Variants in CFAP61 observed in about 807,000 individuals in gnomAD.
CFAP61 encodes the protein cilia- and flagella-associated protein 61.
Under a neutral mutation model 135.6 loss-of-function variants are expected in CFAP61, and 107 were observed. That is an observed-to-expected ratio of 0.79 (90% CI 0.67 to 0.93). The LOEUF is 0.93. CFAP61 is among the 40% of genes least tolerant of loss of function. The probability of loss-of-function intolerance (pLI) is 0.00; values close to 1 mark genes in which losing one functional copy is unlikely to be tolerated. For missense variants in CFAP61, 1,507 were observed against 1,556.2 expected, an observed-to-expected ratio of 0.97 and a Z score of 0.53; for synonymous variants, 575 against 578.5, an observed-to-expected ratio of 0.99 and a Z score of 0.09.
intron 25 of CFAP61, among the ~76,000 whole-genome samples, chr20:20,328,573 G>C (rs752071410): frequency 1.3e-5 from 2 of 151,770 alleles, no homozygotes; most frequent in Non-Finnish European, 2.9e-5. Flanking sequence ...GCACAACAAA[G>C]GAAACAATTT....
chr20:20,229,262 G>T (rs1178326556), intron 18 of CFAP61, among the ~76,000 whole-genome samples: 1 of 152,150 alleles, frequency 6.6e-6, no homozygotes, highest in Non-Finnish European at 1.5e-5. Flanking sequence ...CGGGATCATG[G>T]CCTGGCATCA....
At chr20:20,320,731 T>G (rs2057471285) in intron 25 of CFAP61, among the ~76,000 whole-genome samples, 2 of 150,114 alleles carry the variant, frequency 1.3e-5, no homozygotes. Flanking sequence ...ATTTCTAACT[T>G]AAACATAATT....
chr20:20,265,820 CT>C, intron 21 of CFAP61: 1 of 232,808 alleles, frequency 4.3e-6, no homozygotes, highest in Non-Finnish European at 8.3e-6. Context: ...ATGTTAACAT[CT>C]TGCCTTAAAA....
intron 18 of CFAP61, among the ~76,000 whole-genome samples, chr20:20,245,646 A>G (rs906307751): frequency 6.6e-6 from 1 of 151,886 alleles, no homozygotes; most frequent in African/African-American, 2.4e-5. Context: ...AGTTCCACCT[A>G]AAAAAAATAG....
At chr20:20,244,668 G>T (rs1392476783) in intron 18 of CFAP61, among the ~76,000 whole-genome samples, 1 of 152,198 alleles carries the variant, frequency 6.6e-6, no homozygotes, top group African/African-American at 2.4e-5. Context: ...TTTTTCCATT[G>T]TCTTGGGGAT....
intron 12 of CFAP61, 68 bp from the exon 13 acceptor site, chr20:20,169,253 T>C: frequency 1.0e-5 from 15 of 1,455,442 alleles, no homozygotes; most frequent in Non-Finnish European, 1.4e-5. Context: ...TGGTGTTTTT[T>C]AGAGGAATTT....
chr20:20,165,553 TCTC>T (rs2053761961), intron 11 of CFAP61, among the ~76,000 whole-genome samples: 2 of 151,770 alleles, frequency 1.3e-5, no homozygotes, highest in African/African-American at 4.8e-5. Flanking sequence ...TGCTTGCTGT[TCTC>T]CTGTGGTCTG....
At chr20:20,302,258 C>T (rs2424336) in intron 25 of CFAP61, among the ~76,000 whole-genome samples, 72,364 of 151,972 alleles carry the variant, frequency 0.48, 17,970 homozygotes, top group Middle Eastern at 0.6. Flanking sequence ...TTAGATTTTC[C>T]GAGTAGAAAA....
At chr20:20,140,578 G>A (rs1474781580) in intron 8 of CFAP61, among the ~76,000 whole-genome samples, 5 of 152,192 alleles carry the variant, frequency 3.3e-5, no homozygotes, top group Non-Finnish European at 7.3e-5. Flanking sequence ...GTGCTGGAGA[G>A]GATGTGGAGA....
At chr20:20,216,215 C>T (rs951484992) in intron 17 of CFAP61, among the ~76,000 whole-genome samples, 4 of 152,098 alleles carry the variant, frequency 2.6e-5, no homozygotes, top group South Asian at 2.1e-4. Flanking sequence ...TTATGGGAGG[C>T]GCCAGATGGT....
intron 9 of CFAP61, among the ~76,000 whole-genome samples, chr20:20,144,504 G>A (rs1435422465): frequency 6.6e-6 from 1 of 152,004 alleles, no homozygotes; most frequent in African/African-American, 2.4e-5. Context: ...AAATATAAAT[G>A]AGATGTTTTT....
chr20:20,106,712 A>G (rs1298854284), intron 8 of CFAP61, among the ~76,000 whole-genome samples: 4 of 152,248 alleles, frequency 2.6e-5, no homozygotes, highest in Non-Finnish European at 5.9e-5. Context: ...ATTTGACTGT[A>G]AAACACATCT....
In CFAP61 at chr20:20,159,845, T is replaced by G. The variant is rs1438167055; in HGVS notation, c.1026+401T>G. ...TCCGTGTCTAGGTGTGTTATTAATATATGTCATTTACATTCATCTCAGGAT... is the reference window on the plus strand; with the variant it reads ...TCCGTGTCTAGGTGTGTTATTAATAGATGTCATTTACATTCATCTCAGGAT... On this transcript the variant is annotated intron_variant, in intron 10 of 26. Coordinates refer to ENST00000245957, the MANE Select transcript of CFAP61 (RefSeq NM_015585.4). Among the ~76,000 whole-genome samples, 3 of 152,252 alleles carry G rather than the reference T, an allele frequency of 2.0e-5. No homozygotes were observed. In the East Asian group the frequency reaches 5.8e-4, roughly 29 times the overall value.
intron 12 of CFAP61, among the ~76,000 whole-genome samples, chr20:20,168,502 C>T (rs1490042573): frequency 6.6e-6 from 1 of 152,136 alleles, no homozygotes; most frequent in Non-Finnish European, 1.5e-5. Flanking sequence ...AAATTTTCAT[C>T]AGAAATAGTT....
intron 26 of CFAP61, among the ~76,000 whole-genome samples, chr20:20,349,472 G>C (rs6081967): frequency 0.54 from 81,669 of 151,942 alleles, 23,018 homozygotes; most frequent in East Asian, 0.63. Flanking sequence ...CACGAGGACA[G>C]CAGCAAGCCA....
intron 8 of CFAP61, among the ~76,000 whole-genome samples, chr20:20,135,546 G>A (rs1377946148): frequency 6.6e-6 from 1 of 152,130 alleles, no homozygotes; most frequent in Non-Finnish European, 1.5e-5. Flanking sequence ...TTTTAGATTT[G>A]AGGGATGAGG....
intron 8 of CFAP61, among the ~76,000 whole-genome samples, chr20:20,127,903 G>A (rs2050197928): frequency 6.6e-6 from 1 of 151,572 alleles, no homozygotes; most frequent in East Asian, 1.9e-4. Context: ...TCCCAGGTAA[G>A]TGGAGTTGTG....
chr20:20,103,308 A>C (rs2048153308), intron 8 of CFAP61, among the ~76,000 whole-genome samples: 1 of 152,220 alleles, frequency 6.6e-6, no homozygotes, highest in African/African-American at 2.4e-5. Flanking sequence ...GTATGTTTTC[A>C]TAGCTACCCA....
intron 14 of CFAP61, among the ~76,000 whole-genome samples, chr20:20,189,543 C>T (rs762874601): frequency 6.7e-6 from 1 of 149,770 alleles, no homozygotes; most frequent in Non-Finnish European, 1.5e-5. Flanking sequence ...GAGTAGGTCA[C>T]GGAAGTGTCA....
Sources: gnomAD v4.1 joint callset for allele counts (sites outside exome capture counted in the v4.1 genomes callset) on GRCh38, gnomAD v4.1.1 for gene constraint, MANE v1.5 for transcripts, NCBI Gene and HGNC (gene_info 2026-07-23, HGNC 2026-07-21) for gene names.